UNC13C: variants seen among roughly 807,000 people sequenced by gnomAD.
The protein encoded by UNC13C is unc-13 homolog C.
Under a neutral mutation model 245.4 loss-of-function variants are expected in UNC13C, and 174 were observed. The observed-to-expected ratio is 0.71, with a 90% CI of 0.63 to 0.80. The LOEUF (loss-of-function observed/expected upper bound fraction) is 0.80, where lower values mean the gene tolerates loss of function less well. Among genes scored for constraint, UNC13C ranks in the 30% least tolerant of loss-of-function variants. UNC13C has a pLI of 0.00. For synonymous variants in UNC13C, 992 were observed against 895.1 expected (o/e 1.11, Z -1.93); for missense variants, 2,829 against 2,602.9 (o/e 1.09, Z -1.89).
chr15:54,049,051 T>C, intron 2 of UNC13C: 1 of 387,734 alleles, frequency 2.6e-6, no homozygotes. Flanking sequence ...GTGATATAGA[T>C]ATCTCTATTT....
chr15:53,925,959 C>T, the UNC13C span, among the ~76,000 whole-genome samples: 3 of 152,228 alleles, frequency 2.0e-5, no homozygotes, highest in South Asian at 6.2e-4. Context: ...CCTTGAAGAG[C>T]AACCACGGAT....
chr15:54,609,488 T>C (rs1899959065), intron 30 of UNC13C: 1 of 152,220 alleles, frequency 6.6e-6, no homozygotes, highest in African/African-American at 2.4e-5. Context: ...TTTAAATCAA[T>C]GAACTGAACT....
chr15:54,061,351 T>C (rs972661075), intron 2 of UNC13C, among the ~76,000 whole-genome samples: 3 of 152,050 alleles, frequency 2.0e-5, no homozygotes, highest in Non-Finnish European at 4.4e-5. Context: ...TTTAGGTGGC[T>C]GGAAGAAAAA....
chr15:54,543,666 C>T (rs1158384028), intron 26 of UNC13C, among the ~76,000 whole-genome samples: 1 of 152,082 alleles, frequency 6.6e-6, no homozygotes, highest in South Asian at 2.1e-4. Context: ...ACTATAAACA[C>T]CTGTATGCAA....
At chr15:54,261,163 G>A (rs1217033805) in intron 8 of UNC13C, among the ~76,000 whole-genome samples, 1 of 152,074 alleles carries the variant, frequency 6.6e-6, no homozygotes, top group Non-Finnish European at 1.5e-5. Flanking sequence ...ATCAATTGTT[G>A]ATCTCTGGTT....
chr15:54,307,222 G>C (rs901713867), intron 13 of UNC13C, among the ~76,000 whole-genome samples: 3 of 152,040 alleles, frequency 2.0e-5, no homozygotes, highest in Non-Finnish European at 4.4e-5. Flanking sequence ...ATGCTAGAAG[G>C]TCCAAAATTA....
At chr15:54,001,309 A>G (rs1894875573) in intron 1 of UNC13C, among the ~76,000 whole-genome samples, 1 of 152,138 alleles carries the variant, frequency 6.6e-6, no homozygotes, top group Non-Finnish European at 1.5e-5. Flanking sequence ...TGCATTGGAG[A>G]AGGTATCTGT....
At chr15:54,245,414 T>C (rs1294757431) in intron 7 of UNC13C, among the ~76,000 whole-genome samples, 1 of 152,164 alleles carries the variant, frequency 6.6e-6, no homozygotes, top group Non-Finnish European at 1.5e-5. Flanking sequence ...AATTTATATC[T>C]GTTATAAAGC....
intron 19 of UNC13C, among the ~76,000 whole-genome samples, chr15:54,483,535 T>C (rs11071085): frequency 0.41 from 62,755 of 151,970 alleles, 13,249 homozygotes; most frequent in East Asian, 0.62. Context: ...CTCACTTTGT[T>C]ACCAGGCTGG....
At chr15:54,495,785 G>C (rs1893921258) in intron 20 of UNC13C, among the ~76,000 whole-genome samples, 2 of 151,904 alleles carry the variant, frequency 1.3e-5, no homozygotes, top group Admixed American at 1.3e-4. Context: ...ACAAGGAATG[G>C]GGGGCAGAGA....
Position 54,322,219 on chromosome 15 carries a change from A to G in UNC13C, c.4425+124A>G, listed in dbSNP as rs138768462. ...AAAGGACATTTTAGGGAATAGCGTAATGGGTTCCAGCTCAAAGTTCATTTG... is the reference window on the plus strand; with the variant it reads ...AAAGGACATTTTAGGGAATAGCGTAGTGGGTTCCAGCTCAAAGTTCATTTG... On this transcript the variant is annotated intron_variant, in intron 14 of 32. Coordinates refer to ENST00000260323, the MANE Select transcript of UNC13C (RefSeq NM_001080534.3). 5.9e-3 allele frequency: 5,231 copies of G among 891,056 alleles called. 26 individuals are homozygous for G. Among genetic ancestry groups the G allele is most frequent in the Non-Finnish European group, 7.4e-3 (4,594 of 623,388 alleles). 55.2% of individuals were successfully genotyped at this position (891,056 alleles called of 1,614,324 possible). A position where few individuals can be genotyped will look rare whatever the true frequency, so the allele number is the denominator to read the frequency against.
chr15:54,130,435 G>A (rs952657327), intron 2 of UNC13C, among the ~76,000 whole-genome samples: 13 of 151,720 alleles, frequency 8.6e-5, no homozygotes, highest in Non-Finnish European at 1.8e-4. Context: ...TGGGACTACA[G>A]GCGCCTGCCA....
intron 7 of UNC13C, among the ~76,000 whole-genome samples, chr15:54,250,004 G>A (rs1320580757): frequency 2.6e-5 from 4 of 152,206 alleles, no homozygotes; most frequent in Non-Finnish European, 4.4e-5. Context: ...AGATTAGGGA[G>A]TTCTTTGTGT....
At chr15:54,114,464 G>T (rs1399316477) in intron 2 of UNC13C, among the ~76,000 whole-genome samples, 2 of 152,164 alleles carry the variant, frequency 1.3e-5, no homozygotes, top group East Asian at 3.9e-4. Flanking sequence ...TATACCGGTT[G>T]ATCTACAACT....
At chr15:53,920,941 A>G in the UNC13C span, among the ~76,000 whole-genome samples, 1 of 151,868 alleles carries the variant, frequency 6.6e-6, no homozygotes, top group Non-Finnish European at 1.5e-5. Flanking sequence ...TGCATGTGCC[A>G]TGAAAGTTTA....
chr15:54,080,006 G>GCTTTTTT (rs1898853180), intron 2 of UNC13C, among the ~76,000 whole-genome samples: 1 of 129,902 alleles, frequency 7.7e-6, no homozygotes, highest in South Asian at 2.3e-4. Context: ...TTGTCGAGCG[G>GCTTTTTT]TTTTTTTTTT....
rs1220657011 is a variant in UNC13C at position 54,020,826 on chromosome 15, C to T, written c.2983+4940C>T. On this transcript the variant is annotated intron_variant, in intron 2 of 32. Coordinates refer to ENST00000260323, the MANE Select transcript of UNC13C (RefSeq NM_001080534.3). ...GCCTACAAATAAATTCCTATCCTTCCACATTTTATCTGACAACTTGGGGCT... is the reference window on the plus strand; with the variant it reads ...GCCTACAAATAAATTCCTATCCTTCTACATTTTATCTGACAACTTGGGGCT... Among the ~76,000 whole-genome samples the T allele has an allele frequency of 3.9e-5, 6 of 152,026 alleles. No individual in the cohort carries two copies. In the East Asian group the frequency reaches 1.2e-3, roughly 29 times the overall value.
chr15:53,902,124 G>T, the UNC13C span, among the ~76,000 whole-genome samples: 1 of 151,868 alleles, frequency 6.6e-6, no homozygotes, highest in East Asian at 1.9e-4. Flanking sequence ...CTACTCTTTT[G>T]GTTCTTTCCT....
intron 4 of UNC13C, among the ~76,000 whole-genome samples, chr15:54,163,991 T>A (rs1755880971): frequency 6.6e-6 from 1 of 152,088 alleles, no homozygotes; most frequent in South Asian, 2.1e-4. Context: ...TTTGGTATGG[T>A]GGGAGTTTGC....
Sources: gnomAD v4.1 joint callset for allele counts (sites outside exome capture counted in the v4.1 genomes callset) on GRCh38, gnomAD v4.1.1 for gene constraint, MANE v1.5 for transcripts, NCBI Gene and HGNC (gene_info 2026-07-23, HGNC 2026-07-21) for gene names.